Variants in FAM83F observed in about 807,000 individuals in gnomAD.
FAM83F encodes the protein scaffolding CK1 anchoring protein F, also known as protein FAM83F.
In FAM83F, 45 loss-of-function variants were observed where a neutral mutation model predicts 42.9. That is an observed-to-expected ratio of 1.05 (90% CI 0.83 to 1.35). The LOEUF is 1.35. FAM83F is among the 40% of genes most tolerant of loss of function. The pLI, the probability that FAM83F is intolerant of heterozygous loss-of-function variation, is 0.00. For missense variants in FAM83F, 617 were observed against 695.9 expected, an observed-to-expected ratio of 0.89 and a Z score of 1.28; for synonymous variants, 306 against 298.3, an observed-to-expected ratio of 1.03 and a Z score of -0.27.
intron 1 of FAM83F, among the ~76,000 whole-genome samples, chr22:40,012,157 G>C (rs1417947697): frequency 6.6e-6 from 1 of 150,536 alleles, no homozygotes; most frequent in Non-Finnish European, 1.5e-5. Context: ...TTTTTGGAAT[G>C]AAGTTTTGCT....
intron 1 of FAM83F, among the ~76,000 whole-genome samples, chr22:40,012,811 C>T (rs1414890051): frequency 2.7e-5 from 4 of 150,588 alleles, no homozygotes; most frequent in Admixed American, 1.3e-4. Context: ...CGGTGGCTCA[C>T]GCCTATAATC....
rs556957230 is a variant in FAM83F, at chr22:40,041,142, T to C, written c.*11577T>C. On this transcript the variant is annotated 3_prime_UTR_variant, in exon 5 of 5. Transcript: ENST00000333407. ...CAAGGCAGCTATCACTCATGAAATC[T>C]GCCTTCCCCTCCAGCAAAAAGCCAA... 9 of 152,318 alleles carry C rather than the reference T, an allele frequency of 5.9e-5. No homozygotes were observed. The South Asian group carries it at 1.2e-3, about 21-fold the overall frequency. The allele number at this position is 152,318 out of a possible 1,614,324, so 9.4% of individuals were successfully genotyped here.
intron 3 of FAM83F, among the ~76,000 whole-genome samples, chr22:40,020,348 G>A (rs962723995): frequency 2.0e-5 from 3 of 150,134 alleles, no homozygotes; most frequent in East Asian, 1.9e-4. Flanking sequence ...TGCAGGGAAT[G>A]TCGCCAGAAT....
chr22:40,000,818 T>C (rs1350763692), intron 1 of FAM83F, among the ~76,000 whole-genome samples: 1 of 152,134 alleles, frequency 6.6e-6, no homozygotes, highest in Non-Finnish European at 1.5e-5. Flanking sequence ...TGACTTTATC[T>C]AGAAGCTCGT....
chr22:40,008,559 T>C (rs982469182), intron 1 of FAM83F, among the ~76,000 whole-genome samples: 1 of 152,300 alleles, frequency 6.6e-6, no homozygotes, highest in South Asian at 2.1e-4. Context: ...TTCCAGACCA[T>C]ATATTATCCT....
Position 40,019,200 on chromosome 22 carries a change from T to C in FAM83F, c.522T>C (p.Asp174=). 1 of 1,614,148 alleles carries C rather than the reference T, an allele frequency of 6.2e-7. No homozygotes were observed. Among genetic ancestry groups the C allele is most frequent in the Non-Finnish European group, 8.5e-7 (1 of 1,180,020 alleles). Residue 174 remains aspartate (D), a synonymous_variant, in exon 2 of 5, where the codon GAT becomes GAC. Coordinates refer to ENST00000333407, the MANE Select transcript of FAM83F (RefSeq NM_138435.4). ...CTGTGGTCATGGACCTCTTCACTGATGGTGATATCTTTCAAGACATTGTGG... is the reference window on the plus strand; with the variant it reads ...CTGTGGTCATGGACCTCTTCACTGACGGTGATATCTTTCAAGACATTGTGG... ...VIAVVMDLFT[D]GDIFQDIVDA...
chr22:39,996,702 T>A (rs532487765), intron 1 of FAM83F, among the ~76,000 whole-genome samples: 1 of 152,340 alleles, frequency 6.6e-6, no homozygotes, highest in South Asian at 2.1e-4. Flanking sequence ...CAGGCTCATC[T>A]TCCTGGAAGG....
chr22:40,001,496 A>G (rs1357044736), intron 1 of FAM83F, among the ~76,000 whole-genome samples: 3 of 152,176 alleles, frequency 2.0e-5, no homozygotes, highest in Middle Eastern at 3.4e-3. Flanking sequence ...AAAATTAGCC[A>G]GATGTGGTGG....
At chr22:40,017,621 A>G (rs529721724) in intron 1 of FAM83F, among the ~76,000 whole-genome samples, 2 of 152,332 alleles carry the variant, frequency 1.3e-5, no homozygotes, top group South Asian at 4.1e-4. Flanking sequence ...TTTGCGGCCA[A>G]AGAAGCTTGG....
intron 1 of FAM83F, among the ~76,000 whole-genome samples, chr22:40,003,084 C>T (rs1398687820): frequency 1.3e-5 from 2 of 152,158 alleles, no homozygotes; most frequent in African/African-American, 4.8e-5. Context: ...GTCTGTATGT[C>T]GCCAGCCAGG....
At chr22:40,009,078 C>T (rs1201639273) in intron 1 of FAM83F, among the ~76,000 whole-genome samples, 1 of 152,180 alleles carries the variant, frequency 6.6e-6, no homozygotes, top group African/African-American at 2.4e-5. Context: ...CTCATAACTG[C>T]ACAGCGTTTT....
intron 1 of FAM83F, among the ~76,000 whole-genome samples, chr22:40,016,014 AT>A (rs1426215984): frequency 1.3e-5 from 2 of 152,142 alleles, no homozygotes; most frequent in African/African-American, 4.8e-5. Context: ...TAGAGAGTTT[AT>A]TTGGGCCAAG....
In FAM83F at chr22:40,043,444, C is replaced by G. The variant is rs1191747422; in HGVS notation, c.*13879C>G. 6.6e-6 allele frequency: 1 copy of G among 152,206 alleles called. No homozygotes were observed. The highest frequency in any genetic ancestry group is 1.5e-5 in the Non-Finnish European group (1 of 68,052). 9.4% of individuals were successfully genotyped at this position (152,206 alleles called of 1,614,324 possible). A position where few individuals can be genotyped will look rare whatever the true frequency, so the allele number is the denominator to read the frequency against. ...CCAGTGGCCACCAGCCAGGAGCACA[C>G]GTCTTGCTCAGCATCAACTATCCTG... On this transcript the variant is annotated 3_prime_UTR_variant, in exon 5 of 5. Transcript: ENST00000333407.
At position 40,019,241 on chromosome 22, in the gene FAM83F, G is replaced by T; in HGVS notation, c.563G>T (p.Arg188Leu). The T allele has an allele frequency of 3.1e-6, 5 of 1,614,162 alleles. No individual in the cohort carries two copies. The highest frequency in any genetic ancestry group is 4.2e-6 in the Non-Finnish European group (5 of 1,180,020). ...FQDIVDAACK[R>L]RVPVYIILDE... ...GACATTGTGGATGCTGCCTGTAAGC[G>T]CCGGGTCCCAGTGTACATCATCCTG... Residue 188 changes from arginine to leucine, a missense_variant, in exon 2 of 5, where the codon CGC becomes CTC. By Grantham distance (102) the Arg-to-Leu change is moderately radical. Coordinates refer to ENST00000333407, the MANE Select transcript of FAM83F (RefSeq NM_138435.4).
In FAM83F at chr22:40,019,228, G is replaced by A; in HGVS notation, c.550G>A (p.Ala184Thr). 6.2e-7 allele frequency: 1 copy of A among 1,614,210 alleles called. No homozygotes were observed. Among genetic ancestry groups the A allele is most frequent in the Non-Finnish European group, 8.5e-7 (1 of 1,180,036 alleles). The change falls in exon 2 of 5, where the codon GCT (alanine) becomes ACT (threonine). Residue 184 changes from alanine to threonine, a missense_variant. By Grantham distance (58) the Ala-to-Thr change is moderately conservative. Transcript: ENST00000333407. Reference protein sequence around the residue: ...DGDIFQDIVDAACKRRVPVYI... With the variant: ...DGDIFQDIVDTACKRRVPVYI... ...TGATATCTTTCAAGACATTGTGGATGCTGCCTGTAAGCGCCGGGTCCCAGT... is the reference window on the plus strand; with the variant it reads ...TGATATCTTTCAAGACATTGTGGATACTGCCTGTAAGCGCCGGGTCCCAGT...
intron 4 of FAM83F, 86 bp from the exon 5 acceptor site, chr22:40,029,430 G>A (rs2067574372): frequency 6.6e-7 from 1 of 1,517,322 alleles, no homozygotes; most frequent in Non-Finnish European, 8.9e-7. Flanking sequence ...CTGGAGATGT[G>A]GACAGCACAC....
At chr22:40,029,281 C>T (rs1004667559) in intron 4 of FAM83F, among the ~76,000 whole-genome samples, 1 of 152,164 alleles carries the variant, frequency 6.6e-6, no homozygotes, top group African/African-American at 2.4e-5. Context: ...ATGGCTGTCA[C>T]CTTGATGTCC....
In FAM83F at chr22:40,032,030, T is replaced by C. The variant is rs1028869101; in HGVS notation, c.*2465T>C. ...TCAAGGGTACATCTGGCCCTCCCAGTTGGATGGCAAGTTCAAGGGTGGATC... is the reference window on the plus strand; with the variant it reads ...TCAAGGGTACATCTGGCCCTCCCAGCTGGATGGCAAGTTCAAGGGTGGATC... On this transcript the variant is annotated 3_prime_UTR_variant, in exon 5 of 5. Coordinates refer to ENST00000333407, the MANE Select transcript of FAM83F (RefSeq NM_138435.4). 2 of 152,266 alleles carry C rather than the reference T, an allele frequency of 1.3e-5. No individual in the cohort carries two copies. Among genetic ancestry groups the C allele is most frequent in the Non-Finnish European group, 2.9e-5 (2 of 68,150 alleles). The allele number at this position is 152,266 out of a possible 1,614,324, so 9.4% of individuals were successfully genotyped here.
Position 40,029,672 on chromosome 22 carries a change from T to A in FAM83F, c.*107T>A. ...ACCAGTTTGCACATCAGACGCCAACTGGCCTTCTGCCCTGCAGCCTCCGTC... is the reference window on the plus strand; with the variant it reads ...ACCAGTTTGCACATCAGACGCCAACAGGCCTTCTGCCCTGCAGCCTCCGTC... On this transcript the variant is annotated 3_prime_UTR_variant, in exon 5 of 5. Coordinates refer to ENST00000333407, the MANE Select transcript of FAM83F (RefSeq NM_138435.4). The A allele has an allele frequency of 6.7e-7, 1 of 1,487,552 alleles. No individual in the cohort carries two copies. The highest frequency in any genetic ancestry group is 9.0e-7 in the Non-Finnish European group (1 of 1,106,328). The allele number at this position is 1,487,552 out of a possible 1,614,324, so 92.1% of individuals were successfully genotyped here. A position where few individuals can be genotyped will look rare whatever the true frequency, so the allele number is the denominator to read the frequency against.
Sources: gnomAD v4.1 joint callset for allele counts (sites outside exome capture counted in the v4.1 genomes callset) on GRCh38, gnomAD v4.1.1 for gene constraint, MANE v1.5 for transcripts, NCBI Gene and HGNC (gene_info 2026-07-23, HGNC 2026-07-21) for gene names.